Variants in CACNA1C observed in about 807,000 individuals in gnomAD.
CACNA1C encodes voltage-dependent L-type calcium channel subunit alpha-1C.
CACNA1C carries 30 observed loss-of-function variants against 229.0 expected under a neutral mutation model. The observed-to-expected ratio is 0.13, with a 90% confidence interval of 0.10 to 0.18. The LOEUF is 0.18. Among genes scored for constraint, CACNA1C ranks in the 10% least tolerant of loss-of-function variants. The pLI, the probability that CACNA1C is intolerant of heterozygous loss-of-function variation, is 1.00. For synonymous variants in CACNA1C, 1,114 were observed against 1,132.5 expected, an observed-to-expected ratio of 0.98 and a Z score of 0.33; for missense variants, 1,658 against 2,845.0, an observed-to-expected ratio of 0.58 and a Z score of 9.49.
chr12:2,668,696 C>G (rs2096376341), intron 37 of CACNA1C: 1 of 479,770 alleles, frequency 2.1e-6, no homozygotes, highest in African/African-American at 2.0e-5. Flanking sequence ...CTTACTTAAA[C>G]AAGCAGATCT....
chr12:2,249,780 T>TC (rs1249822099), intron 3 of CACNA1C, among the ~76,000 whole-genome samples: 3 of 150,986 alleles, frequency 2.0e-5, no homozygotes, highest in African/African-American at 7.3e-5. Context: ...CTCTTTTTTT[T>TC]TTTTTTTTGA....
At chr12:2,661,280 T>TAC (rs1210712672) in intron 34 of CACNA1C, among the ~76,000 whole-genome samples, 4,384 of 123,462 alleles carry the variant, frequency 0.036, 114 homozygotes, top group African/African-American at 0.086. Flanking sequence ...TACACACACA[T>TAC]ACACACACAC....
chr12:2,580,232 T>C (rs779140736), intron 13 of CACNA1C, among the ~76,000 whole-genome samples: 1 of 152,026 alleles, frequency 6.6e-6, no homozygotes, highest in Non-Finnish European at 1.5e-5. Context: ...GCAGGCAAAA[T>C]AGAAGTAAGG....
intron 1 of CACNA1C, among the ~76,000 whole-genome samples, chr12:1,973,998 T>C (rs1349359862): frequency 1.3e-5 from 2 of 152,154 alleles, no homozygotes; most frequent in African/African-American, 4.8e-5. Flanking sequence ...GTTTTGTATA[T>C]CCTTGTAGTA....
At chr12:2,508,334 C>A (rs1433988619) in intron 8 of CACNA1C, among the ~76,000 whole-genome samples, 1 of 152,198 alleles carries the variant, frequency 6.6e-6, no homozygotes, top group African/African-American at 2.4e-5. Flanking sequence ...GAGAAGATGA[C>A]TCCATAAAGC....
chr12:2,334,650 A>T (rs1341449931), intron 3 of CACNA1C, among the ~76,000 whole-genome samples: 1 of 152,110 alleles, frequency 6.6e-6, no homozygotes, highest in Non-Finnish European at 1.5e-5. Context: ...ACAAAATAAT[A>T]TTTTTTTCAA....
chr12:2,571,448 C>T (rs2154593660), intron 13 of CACNA1C, among the ~76,000 whole-genome samples: 1 of 152,214 alleles, frequency 6.6e-6, no homozygotes, highest in Non-Finnish European at 1.5e-5. Flanking sequence ...TCTCAAAAGT[C>T]CCTGTTTTGG....
intron 14 of CACNA1C, among the ~76,000 whole-genome samples, chr12:2,582,155 A>G (rs942391985): frequency 6.6e-6 from 1 of 151,484 alleles, no homozygotes; most frequent in Non-Finnish European, 1.5e-5. Context: ...AAAAAAAAAA[A>G]TCGTTCTTAT....
At chr12:2,098,497 A>T (rs1240439148) in intron 1 of CACNA1C, among the ~76,000 whole-genome samples, 1 of 152,144 alleles carries the variant, frequency 6.6e-6, no homozygotes, top group Non-Finnish European at 1.5e-5. Flanking sequence ...ATGCAGGGTG[A>T]CCCACCTTCC....
chr12:2,155,404 A>T (rs1042994853), intron 3 of CACNA1C, among the ~76,000 whole-genome samples: 5 of 151,972 alleles, frequency 3.3e-5, no homozygotes, highest in Non-Finnish European at 7.4e-5. Flanking sequence ...CCTATATGAA[A>T]AGAAAAAAAA....
chr12:2,196,775 G>T (rs2097417921), intron 3 of CACNA1C, among the ~76,000 whole-genome samples: 1 of 152,206 alleles, frequency 6.6e-6, no homozygotes. Context: ...CTGGGTGTCT[G>T]CAGGCAGTCC....
At position 2,651,510 on chromosome 12, in the gene CACNA1C, A is replaced by G. The variant is rs932090503; in HGVS notation, c.3946-130A>G. On this transcript the variant is annotated intron_variant, in intron 31 of 46. Transcript: ENST00000399655. This position sits in a 1 kb window ranked among gnomAD's most constrained non-coding sequence, Gnocchi z 5.4. The stretch of plus-strand genomic sequence containing the variant: ...CGGCCGCCCTCCCATCGGAGGGGGA[A>G]GTCTAGTGCAGCAAACCCTGGCCTG... 64 of 1,367,592 alleles carry G rather than the reference A, an allele frequency of 4.7e-5. No individual in the cohort carries two copies. The African/African-American group carries it at 7.0e-4, about 15-fold the overall frequency. The allele number at this position is 1,367,592 out of a possible 1,614,324, so 84.7% of individuals were successfully genotyped here.
At chr12:2,614,274 A>G (rs1401118800) in intron 29 of CACNA1C, 2 of 152,284 alleles carry the variant, frequency 1.3e-5, no homozygotes, top group African/African-American at 4.8e-5. Context: ...GAAGGAAGAC[A>G]GCCATCCTGG....
chr12:1,983,744 T>C (rs1039540033), intron 1 of CACNA1C, among the ~76,000 whole-genome samples: 1 of 152,112 alleles, frequency 6.6e-6, no homozygotes, highest in Non-Finnish European at 1.5e-5. Flanking sequence ...GTTTAGTTGA[T>C]AGTGTTGTTC....
chr12:2,135,951 T>C (rs1170659564), intron 3 of CACNA1C, among the ~76,000 whole-genome samples: 5 of 149,232 alleles, frequency 3.4e-5, no homozygotes, highest in South Asian at 2.1e-4. Flanking sequence ...GTGCTAGCAA[T>C]CAGCGAGACT....
At position 2,570,911 on chromosome 12, in the gene CACNA1C, G is replaced by A. The variant is rs558405129; in HGVS notation, c.1895+3117G>A. On this transcript the variant is annotated intron_variant, in intron 13 of 46. Coordinates refer to ENST00000399655, the MANE Select transcript of CACNA1C (RefSeq NM_000719.7). ...CCTTCTTTCCCTCTCTGACCCCATC[G>A]AAAGAGAGCTCTTCCTAAGTGTCCT... Among the ~76,000 whole-genome samples, 29 of 152,278 alleles carry A rather than the reference G, an allele frequency of 1.9e-4. No individual in the cohort carries two copies. In the South Asian group the frequency reaches 2.5e-3, roughly 13 times the overall value.
At chr12:2,458,981 C>CTTTTTTTTTTTTTTTT (rs71057826) in intron 5 of CACNA1C, among the ~76,000 whole-genome samples, 1 of 105,598 alleles carries the variant, frequency 9.5e-6, no homozygotes, top group African/African-American at 3.6e-5. Context: ...CTTTTTCTTT[C>CTTTTTTTTTTTTTTTT]TTTTTTTTTT....
intron 21 of CACNA1C, among the ~76,000 whole-genome samples, chr12:2,598,177 T>G (rs2069522606): frequency 1.3e-5 from 2 of 152,148 alleles, no homozygotes; most frequent in African/African-American, 4.8e-5. Flanking sequence ...GAGGGAGAAT[T>G]GTGCTGGAGA....
intron 13 of CACNA1C, among the ~76,000 whole-genome samples, chr12:2,580,993 G>A (rs1408713655): frequency 1.3e-5 from 2 of 152,192 alleles, no homozygotes; most frequent in African/African-American, 4.8e-5. Flanking sequence ...CGTAAACTTG[G>A]GAAACCACCA....
Sources: allele counts gnomAD v4.1 joint callset (sites outside exome capture counted in the v4.1 genomes callset), GRCh38; gene constraint gnomAD v4.1.1; non-coding constraint Gnocchi (gnomAD v3.1); transcripts MANE v1.5; gene names NCBI Gene and HGNC (gene_info 2026-07-23, HGNC 2026-07-21).